The following RPS6KC1 variants were observed in gnomAD, a reference collection of about 807,000 sequenced individuals.
RPS6KC1 encodes ribosomal protein S6 kinase C1.
Under a neutral mutation model 103.8 loss-of-function variants are expected in RPS6KC1, and 54 were observed. The ratio of observed to expected loss-of-function variants is 0.52; its 90% CI spans 0.42 to 0.65. RPS6KC1 has a LOEUF of 0.65. Among genes scored for constraint, RPS6KC1 ranks in the 30% least tolerant of loss-of-function variants. The pLI is 0.00. For synonymous variants in RPS6KC1, 439 were observed against 438.7 expected, an observed-to-expected ratio of 1.00 and a Z score of -0.01; for missense variants, 1,151 against 1,253.8, an observed-to-expected ratio of 0.92 and a Z score of 1.24.
chr1:213,149,674 T>C (rs2088392962), intron 6 of RPS6KC1, among the ~76,000 whole-genome samples: 1 of 152,208 alleles, frequency 6.6e-6, no homozygotes, highest in Non-Finnish European at 1.5e-5. Flanking sequence ...TGGTCTGTAG[T>C]GTAGATTAAG....
At chr1:213,664,868 G>C in the RPS6KC1 span, among the ~76,000 whole-genome samples, 1 of 152,088 alleles carries the variant, frequency 6.6e-6, no homozygotes, top group Non-Finnish European at 1.5e-5. Flanking sequence ...ATGTTTTGTT[G>C]CTTAATTCAT....
the RPS6KC1 span, among the ~76,000 whole-genome samples, chr1:213,637,897 G>A: frequency 1.2e-4 from 18 of 152,074 alleles, no homozygotes; most frequent in South Asian, 4.2e-4. Flanking sequence ...GCTCACTAAA[G>A]CTTTGACCTC....
At chr1:213,838,645 G>A in the RPS6KC1 span, among the ~76,000 whole-genome samples, 3 of 152,058 alleles carry the variant, frequency 2.0e-5, no homozygotes, top group East Asian at 5.8e-4. Flanking sequence ...CCTGTTACTT[G>A]CAACCTAAAT....
the RPS6KC1 span, among the ~76,000 whole-genome samples, chr1:213,664,192 C>CGGGGGGGGGGGGGGG: frequency 3.4e-5 from 1 of 29,850 alleles, no homozygotes; most frequent in African/African-American, 1.9e-4. Context: ...AAGAAATGAG[C>CGGGGGGGGGGGGGGG]GGGGGGGCGG....
the RPS6KC1 span, among the ~76,000 whole-genome samples, chr1:213,635,176 C>T: frequency 3.3e-5 from 5 of 152,230 alleles, no homozygotes; most frequent in South Asian, 2.1e-4. Context: ...GATTCACAGC[C>T]GAATTCTACC....
the RPS6KC1 span, among the ~76,000 whole-genome samples, chr1:213,744,650 C>A: frequency 2.0e-5 from 3 of 152,156 alleles, no homozygotes; most frequent in African/African-American, 7.2e-5. Flanking sequence ...AGCCCTAATA[C>A]CCCCATTTCT....
the RPS6KC1 span, among the ~76,000 whole-genome samples, chr1:213,603,509 C>T: frequency 6.6e-6 from 1 of 152,150 alleles, no homozygotes; most frequent in African/African-American, 2.4e-5. Flanking sequence ...TGATGTTATA[C>T]CTAACATCCA....
downstream of RPS6KC1, among the ~76,000 whole-genome samples, chr1:213,276,966 C>A (rs1416404516): frequency 6.6e-6 from 1 of 152,110 alleles, no homozygotes; most frequent in Non-Finnish European, 1.5e-5. Context: ...TGACTCAGTC[C>A]TTTGGCAGGC....
At chr1:213,540,014 G>A in the RPS6KC1 span, among the ~76,000 whole-genome samples, 1 of 152,220 alleles carries the variant, frequency 6.6e-6, no homozygotes, top group South Asian at 2.1e-4. Flanking sequence ...AGCCTTCAGT[G>A]AGTCATAATA....
At chr1:213,442,958 G>GTT in the RPS6KC1 span, among the ~76,000 whole-genome samples, 2 of 141,286 alleles carry the variant, frequency 1.4e-5, no homozygotes, top group African/African-American at 2.6e-5. Context: ...CTTTCTCAGG[G>GTT]TTTTTTTTTT....
At chr1:213,440,170 G>A in the RPS6KC1 span, among the ~76,000 whole-genome samples, 545 of 152,224 alleles carry the variant, frequency 3.6e-3, 3 homozygotes, top group African/African-American at 0.012. Flanking sequence ...GAAGTCAAAC[G>A]CTTTCCATCA....
the RPS6KC1 span, among the ~76,000 whole-genome samples, chr1:213,338,804 T>C: frequency 6.7e-6 from 1 of 150,058 alleles, no homozygotes; most frequent in Non-Finnish European, 1.5e-5. Flanking sequence ...AAGGTGTCAC[T>C]ATGTTGCCCA....
chr1:213,328,526 A>C, the RPS6KC1 span, among the ~76,000 whole-genome samples: 1 of 94,336 alleles, frequency 1.1e-5, no homozygotes, highest in Non-Finnish European at 2.2e-5. Context: ...ATATATATAT[A>C]TATATATATA....
the RPS6KC1 span, among the ~76,000 whole-genome samples, chr1:213,413,303 TATA>T: frequency 6.6e-6 from 1 of 152,232 alleles, no homozygotes; most frequent in African/African-American, 2.4e-5. Flanking sequence ...TCTTGAAATA[TATA>T]ATAAGTTATT....
the RPS6KC1 span, among the ~76,000 whole-genome samples, chr1:213,502,506 T>G: frequency 6.6e-6 from 1 of 152,308 alleles, no homozygotes; most frequent in Non-Finnish European, 1.5e-5. Flanking sequence ...AGATTATCAC[T>G]TTTTATGTAT....
chr1:213,859,596 T>G, the RPS6KC1 span, among the ~76,000 whole-genome samples: 2 of 152,222 alleles, frequency 1.3e-5, no homozygotes, highest in Admixed American at 6.5e-5. Context: ...TTTATTATTA[T>G]GAAAACAAGC....
intron 4 of RPS6KC1, among the ~76,000 whole-genome samples, chr1:213,114,796 A>G (rs977636512): frequency 6.6e-5 from 10 of 152,214 alleles, no homozygotes; most frequent in Admixed American, 5.2e-4. Context: ...CCTTTTCTGC[A>G]TCTATTGAGA....
chr1:213,446,042 C>T, the RPS6KC1 span, among the ~76,000 whole-genome samples: 1 of 152,202 alleles, frequency 6.6e-6, no homozygotes, highest in East Asian at 1.9e-4. Flanking sequence ...AGCTTTATCT[C>T]CCAGACCATG....
At chr1:213,453,661 A>C in the RPS6KC1 span, among the ~76,000 whole-genome samples, 10 of 152,142 alleles carry the variant, frequency 6.6e-5, no homozygotes, top group African/African-American at 2.4e-4. Flanking sequence ...GTCTTGTAGA[A>C]ATGGTAAGCA....
Sources: allele counts gnomAD v4.1 joint callset (sites outside exome capture counted in the v4.1 genomes callset), GRCh38; gene constraint gnomAD v4.1.1; transcripts MANE v1.5; gene names NCBI Gene and HGNC (gene_info 2026-07-23, HGNC 2026-07-21).